Variants in NKX2-1 observed in about 807,000 individuals in gnomAD.
NKX2-1 encodes the protein NK2 homeobox 1.
NKX2-1 carries 9 observed loss-of-function variants against 35.1 expected under a neutral mutation model. That is an observed-to-expected ratio of 0.26 (90% CI 0.15 to 0.45). The LOEUF (loss-of-function observed/expected upper bound fraction) is 0.45. NKX2-1 is among the 20% of genes least tolerant of loss of function. The pLI, the probability that NKX2-1 is intolerant of heterozygous loss-of-function variation, is 1.00. For missense variants in NKX2-1, 509 were observed against 589.1 expected (o/e 0.86, Z 1.41); for synonymous variants, 284 against 269.9 (o/e 1.05, Z -0.51).
rs542732528 is a variant in NKX2-1 at position 36,519,561 on chromosome 14, G to A, written c.78-191C>T. 6.5e-6 allele frequency: 10 copies of A among 1,534,432 alleles called. No individual in the cohort carries two copies. The Admixed American group carries it at 7.8e-5, about 12-fold the overall frequency. ...GAGGCTCGGGGGCTGCCTCGCGTTTGTTTTAGCCCGGCGCCAGGTTTTAGG... is the reference window on the plus strand; with the variant it reads ...GAGGCTCGGGGGCTGCCTCGCGTTTATTTTAGCCCGGCGCCAGGTTTTAGG... On this transcript the variant is annotated intron_variant, in intron 1 of 2. Coordinates refer to ENST00000354822, the MANE Select transcript of NKX2-1 (RefSeq NM_001079668.3).
In NKX2-1 at chr14:36,519,369, G is replaced by T. The variant is rs766700164; in HGVS notation, c.79C>A (p.Arg27Ser). The T allele has an allele frequency of 1.2e-6, 2 of 1,612,964 alleles. No homozygotes were observed. Among genetic ancestry groups the T allele is most frequent in the Admixed American group, 1.7e-5 (1 of 60,016 alleles). Reference sequence around the variant, plus strand: ...GGACTCATCGACATGATTCGGCGGCGGCTGGAGGAGGAAGGAAGAGGAGGA... The same window carrying T: ...GGACTCATCGACATGATTCGGCGGCTGCTGGAGGAGGAAGGAAGAGGAGGA... ...GGRSSPGRLS[R>S]RRIMSMSPKH... Residue 27 changes from arginine to serine, a missense_variant and splice_region_variant, in exon 2 of 3, where the codon CGC (arginine) becomes AGC (serine). Coordinates refer to ENST00000354822, the MANE Select transcript of NKX2-1 (RefSeq NM_001079668.3).
chr14:36,517,669 G>A lies in NKX2-1; in HGVS notation c.815C>T (p.Thr272Ile), dbSNP rs774427469. ...DSGGGGGGGG[T>I]GCPQQQQAQQ... The stretch of plus-strand genomic sequence containing the variant: ...AGCCTGTTGCTGCTGCGGGCACCCG[G>A]TGCCCCCGCCGCCCCCGCCGCCGCC... The change falls in exon 3 of 3, where the codon ACC (threonine) becomes ATC (isoleucine). Residue 272 changes from threonine to isoleucine, a missense_variant. This residue lies in a region of NKX2-1 where 212 missense variants were observed against 227.7 expected (regional missense o/e 0.93). Transcript: ENST00000354822. The A allele has an allele frequency of 1.6e-5, 25 of 1,548,574 alleles. No individual in the cohort carries two copies. In the South Asian group the frequency reaches 2.9e-4, roughly 18 times the overall value.
rs1383667422 is a variant in NKX2-1 at position 36,516,785 on chromosome 14, C to A, written c.*493G>T. On this transcript the variant is annotated 3_prime_UTR_variant, in exon 3 of 3. Coordinates refer to ENST00000354822, the MANE Select transcript of NKX2-1 (RefSeq NM_001079668.3). Reference sequence around the variant, plus strand: ...AGTGACAAGTGGGTTATGTTGAAGACTCTTTCCTCTCCCCAGCTCCCGTCC... The same window carrying A: ...AGTGACAAGTGGGTTATGTTGAAGAATCTTTCCTCTCCCCAGCTCCCGTCC... 8 of 232,438 alleles carry A rather than the reference C, an allele frequency of 3.4e-5. No homozygotes were observed. Among genetic ancestry groups the A allele is most frequent in the African/African-American group, 1.3e-4 (6 of 44,904 alleles). 14.4% of individuals were successfully genotyped at this position (232,438 alleles called of 1,614,324 possible). A position where few individuals can be genotyped will look rare whatever the true frequency, so the allele number is the denominator to read the frequency against.
intron 1 of NKX2-1, chr14:36,519,664 A>G: frequency 3.3e-6 from 5 of 1,522,648 alleles, no homozygotes; most frequent in South Asian, 1.2e-5. Context: ...TAATTAGCTT[A>G]CATGCTGATG....
intron 1 of NKX2-1, chr14:36,519,622 C>T: frequency 6.5e-7 from 1 of 1,531,228 alleles, no homozygotes; most frequent in East Asian, 2.5e-5. Flanking sequence ...GCTAAAGCAA[C>T]AAGACAATAG....
At position 36,517,918 on chromosome 14, in the gene NKX2-1, G is replaced by A. The variant is rs781187197; in HGVS notation, c.566C>T (p.Ala189Val). The change falls in exon 3 of 3, where the codon GCG becomes GTG. Residue 189 changes from alanine to valine, a missense_variant. Ala to Val is a moderately conservative substitution (Grantham distance 64). Coordinates refer to ENST00000354822, the MANE Select transcript of NKX2-1 (RefSeq NM_001079668.3). ...GAGCACCCGGCGCTTCCTGCGCGGC[G>A]CGCTTGGCAGCGGGGCCATGTTCTT... ...VSKNMAPLPS[A>V]PRRKRRVLFS... The A allele has an allele frequency of 6.2e-7, 1 of 1,607,320 alleles. No individual in the cohort carries two copies. The highest frequency in any genetic ancestry group is 8.5e-7 in the Non-Finnish European group (1 of 1,179,534).
At position 36,520,197 on chromosome 14, in the gene NKX2-1, G is replaced by A; in HGVS notation, c.-68C>T. ...AGCGAGTCTGGGGACGAACCCTGGG[G>A]CCGCACTGTTGGTCTACGTGTCTGT... On this transcript the variant is annotated 5_prime_UTR_variant, in exon 1 of 3. Transcript: ENST00000354822. 1 of 1,590,330 alleles carries A rather than the reference G, an allele frequency of 6.3e-7. No individual in the cohort carries two copies. The highest frequency in any genetic ancestry group is 8.5e-7 in the Non-Finnish European group (1 of 1,170,792).
rs191542142 is a variant in NKX2-1, at chr14:36,516,416, C to G, written c.*862G>C. 1.4e-5 allele frequency: 3 copies of G among 221,818 alleles called. No homozygotes were observed. In the East Asian group the frequency reaches 2.0e-4, roughly 15 times the overall value. The allele number at this position is 221,818 out of a possible 1,614,324, so 13.7% of individuals were successfully genotyped here. On this transcript the variant is annotated 3_prime_UTR_variant, in exon 3 of 3. Transcript: ENST00000354822. ...GGAGGGTTTTAATCAGAAAAAGAAT[C>G]TTTTTAATTTGTATAATTTATTAGA...
chr14:36,518,168 C>T, intron 2 of NKX2-1, 148 bp from the exon 3 acceptor site: 1 of 1,154,142 alleles, frequency 8.7e-7, no homozygotes, highest in Non-Finnish European at 1.2e-6. Context: ...GAGGCCCATC[C>T]GCGGGGAACT....
chr14:36,520,023 G>A (rs749002422), intron 1 of NKX2-1, 30 bp downstream of exon 1: 6 of 1,612,614 alleles, frequency 3.7e-6, no homozygotes, highest in East Asian at 2.2e-5. Flanking sequence ...TTTAGGAGGA[G>A]GGGGCTGAGG....
Position 36,517,497 on chromosome 14 carries a change from C to T in NKX2-1, c.987G>A (p.Ala329=). 7.4e-7 allele frequency: 1 copy of T among 1,348,058 alleles called. No individual in the cohort carries two copies. Among genetic ancestry groups the T allele is most frequent in the Non-Finnish European group, 9.5e-7 (1 of 1,056,434 alleles). The allele number at this position is 1,348,058 out of a possible 1,614,324, so 83.5% of individuals were successfully genotyped here. The change falls in exon 3 of 3, where the codon GCG becomes GCA. Residue 329 remains alanine, a synonymous_variant. Coordinates refer to ENST00000354822, the MANE Select transcript of NKX2-1 (RefSeq NM_001079668.3). ...QAQHQAQAAQ[A]AAAAISVGSG... is the part of the protein sequence containing the mutation. ...TGCCCACGGAGATGGCCGCTGCCGC[C>T]GCCTGCGCGGCCTGCGCCTGGTGCT... is the stretch of plus-strand genomic sequence containing the variant.
Position 36,519,055 on chromosome 14 carries a change from C to G in NKX2-1, c.393G>C (p.Gln131His). Residue 131 changes from glutamine (Q) to histidine (H), a missense_variant, in exon 2 of 3, where the codon CAG (glutamine) becomes CAC (histidine). Transcript: ENST00000354822. Reference sequence around the variant, plus strand: ...CAGAGGCGCTGTTCCTCATGGTGTCCTGGTACGGCGGCAGCTCGCTCATGT... The same window carrying G: ...CAGAGGCGCTGTTCCTCATGGTGTCGTGGTACGGCGGCAGCTCGCTCATGT... ...LGNMSELPPY[Q>H]DTMRNSASGP... is the part of the protein sequence containing the mutation. 6.3e-7 allele frequency: 1 copy of G among 1,599,450 alleles called. No individual in the cohort carries two copies.
At chr14:36,518,929 C>G in intron 2 of NKX2-1, 56 bp downstream of exon 2, 1 of 1,446,592 alleles carries the variant, frequency 6.9e-7, no homozygotes. Context: ...CTGGACGGCT[C>G]TCGCCGCACC....
chr14:36,519,924 A>C, intron 1 of NKX2-1, 129 bp downstream of exon 1: 1 of 1,380,392 alleles, frequency 7.2e-7, no homozygotes, highest in South Asian at 1.3e-5. Context: ...AGAGGAAGGA[A>C]GGTGAATGCT....
In NKX2-1 at chr14:36,519,349, C is replaced by T. The variant is rs1461014578; in HGVS notation, c.99G>A (p.Met33Ile). The T allele has an allele frequency of 3.1e-6, 5 of 1,612,906 alleles. No homozygotes were observed. Among genetic ancestry groups the T allele is most frequent in the Non-Finnish European group, 3.4e-6 (4 of 1,180,034 alleles). Residue 33 changes from methionine to isoleucine, a missense_variant, in exon 2 of 3, where the codon ATG (methionine) becomes ATA (isoleucine). Physicochemically the swap from Met to Ile is conservative, Grantham distance 10. Around this residue, in one of 5 missense-constraint regions of NKX2-1, gnomAD observed 271 missense variants for 284.1 expected, o/e 0.95. Transcript: ENST00000354822. Reference protein sequence around the residue: ...GRLSRRRIMSMSPKHTTPFSV... With the variant: ...GRLSRRRIMSISPKHTTPFSV... ...AGAACGGAGTCGTGTGCTTTGGACT[C>T]ATCGACATGATTCGGCGGCGGCTGG...
rs1304563073 is a variant in NKX2-1, at chr14:36,517,569, G to C, written c.915C>G (p.Pro305=). ...KDGKPCQAGA[P]APGAASLQGH... ...CTTGTAGGCTGGCGGCGCCCGGCGC[G>C]GGGGCACCCGCCTGGCACGGTTTGC... The change falls in exon 3 of 3, where the codon CCC becomes CCG. Residue 305 remains proline, a synonymous_variant. Coordinates refer to ENST00000354822, the MANE Select transcript of NKX2-1 (RefSeq NM_001079668.3). 1.8e-5 allele frequency: 27 copies of C among 1,479,068 alleles called. No individual in the cohort carries two copies. Among genetic ancestry groups the C allele is most frequent in the Admixed American group, 2.5e-5 (1 of 40,706 alleles). The allele number at this position is 1,479,068 out of a possible 1,614,324, so 91.6% of individuals were successfully genotyped here.
chr14:36,517,168 T>A lies in NKX2-1; in HGVS notation c.*110A>T. ...GTTCCTTGGTCTAAACGCGGCCAGG[T>A]TGTTAAGAAAAGTCGAAGCGCGTGG... On this transcript the variant is annotated 3_prime_UTR_variant, in exon 3 of 3. Transcript: ENST00000354822. 1 of 1,499,212 alleles carries A rather than the reference T, an allele frequency of 6.7e-7. No individual in the cohort carries two copies. Among genetic ancestry groups the A allele is most frequent in the Non-Finnish European group, 8.9e-7 (1 of 1,119,748 alleles). The allele number at this position is 1,499,212 out of a possible 1,614,324, so 92.9% of individuals were successfully genotyped here.
chr14:36,517,670 T>TGCCCCCGCCGCCCCCGCC lies in NKX2-1; in HGVS notation c.796_813dup (p.Gly266_Gly271dup). The TGCCCCCGCCGCCCCCGCC allele has an allele frequency of 1.3e-6, 2 of 1,551,474 alleles. No individual in the cohort carries two copies. Among genetic ancestry groups the TGCCCCCGCCGCCCCCGCC allele is most frequent in the Non-Finnish European group, 1.7e-6 (2 of 1,149,162 alleles). On this transcript the variant is annotated inframe_insertion, in exon 3 of 3. Coordinates refer to ENST00000354822, the MANE Select transcript of NKX2-1 (RefSeq NM_001079668.3). Reference sequence around the variant, plus strand: ...GCCTGTTGCTGCTGCGGGCACCCGGTGCCCCCGCCGCCCCCGCCGCCGCCG... The same window carrying TGCCCCCGCCGCCCCCGCC: ...GCCTGTTGCTGCTGCGGGCACCCGGTGCCCCCGCCGCCCCCGCCGCCCCCGCCGCCCCCGCCGCCGCCG...
Position 36,517,003 on chromosome 14 carries a change from GC to G in NKX2-1, c.*274del, listed in dbSNP as rs1473555608. 3.6e-6 allele frequency: 2 copies of G among 560,346 alleles called. No individual in the cohort carries two copies. Among genetic ancestry groups the G allele is most frequent in the East Asian group, 7.0e-5 (2 of 28,556 alleles). The allele number at this position is 560,346 out of a possible 1,614,324, so 34.7% of individuals were successfully genotyped here. ...AAAAGACACCCCAAAGCTGTTTTAT[GC>G]CCTTCTCTGCTTAAAGATTCCTTGA... On this transcript the variant is annotated 3_prime_UTR_variant, in exon 3 of 3. Coordinates refer to ENST00000354822, the MANE Select transcript of NKX2-1 (RefSeq NM_001079668.3).
Sources: allele counts gnomAD v4.1 joint callset, GRCh38; gene constraint gnomAD v4.1.1; regional missense constraint gnomAD v4.1.1; transcripts MANE v1.5; gene names NCBI Gene and HGNC (gene_info 2026-07-23, HGNC 2026-07-21).